BPTF: variants seen among roughly 807,000 people sequenced by gnomAD.
The protein encoded by BPTF is nucleosome-remodeling factor subunit BPTF.
BPTF carries 18 observed loss-of-function variants against 292.5 expected under a neutral mutation model. The observed-to-expected ratio is 0.06, with a 90% CI of 0.04 to 0.09. BPTF has a LOEUF of 0.09. Among genes scored for constraint, BPTF ranks in the 10% least tolerant of loss-of-function variants. The pLI is 1.00. For synonymous variants in BPTF, 1,225 were observed against 1,251.9 expected (o/e 0.98, Z 0.45); for missense variants, 2,726 against 3,498.7 (o/e 0.78, Z 5.57).
intron 23 of BPTF, among the ~76,000 whole-genome samples, chr17:67,954,124 CTACGGG>C (rs11280146): frequency 0.9 from 133,788 of 149,428 alleles, 61,595 homozygotes; most frequent in East Asian, 1. Context: ...GCAGCTGGGA[CTACGGG>C]TACGGGCGAA....
intron 13 of BPTF, among the ~76,000 whole-genome samples, chr17:67,921,602 A>G (rs1315156229): frequency 6.6e-6 from 1 of 152,202 alleles, no homozygotes; most frequent in African/African-American, 2.4e-5. Flanking sequence ...TATAAAAGTT[A>G]GTTCTCCCCA....
rs1033508978 is a variant in BPTF, at chr17:67,943,730, C to A, written c.6478-420C>A. Reference sequence around the variant, plus strand: ...TCAGAAGAATATTTTCTCTGCCTACCCCATAAAGTCACAAGTCCATTGTGA... The same window carrying A: ...TCAGAAGAATATTTTCTCTGCCTACACCATAAAGTCACAAGTCCATTGTGA... On this transcript the variant is annotated intron_variant, in intron 19 of 27. Coordinates refer to ENST00000306378, the MANE Select transcript of BPTF (RefSeq NM_182641.4). Among the ~76,000 whole-genome samples the A allele has an allele frequency of 3.3e-5, 5 of 152,196 alleles. No individual in the cohort carries two copies. In the Middle Eastern group the frequency reaches 0.017, roughly 518 times the overall value.
chr17:67,954,175 T>A (rs1158531970), intron 23 of BPTF, among the ~76,000 whole-genome samples: 3 of 23,386 alleles, frequency 1.3e-4, no homozygotes, highest in Non-Finnish European at 6.8e-4. Flanking sequence ...TTTTGGGGTG[T>A]TTTTTGTTGT....
At chr17:67,833,720 C>T (rs1359071914) in intron 1 of BPTF, among the ~76,000 whole-genome samples, 1 of 152,028 alleles carries the variant, frequency 6.6e-6, no homozygotes, top group African/African-American at 2.4e-5. Flanking sequence ...AGGTGTGTGC[C>T]ACCATGCCTG....
In BPTF at chr17:67,962,705, C is replaced by T. The variant is rs1442770894; in HGVS notation, c.8262-1507C>T. ...CCATTATGAGAGGTTATTTTTAATT[C>T]GATTAAATTCCAATGTTTATTCAGA... On this transcript the variant is annotated intron_variant, in intron 24 of 27. Transcript: ENST00000306378. Among the ~76,000 whole-genome samples the T allele has an allele frequency of 5.3e-5, 8 of 152,160 alleles. No individual in the cohort carries two copies. The South Asian group carries it at 1.0e-3, about 20-fold the overall frequency.
chr17:67,880,046 C>A (rs2060296383), intron 4 of BPTF, among the ~76,000 whole-genome samples: 1 of 152,072 alleles, frequency 6.6e-6, no homozygotes, highest in Non-Finnish European at 1.5e-5. Context: ...TCTTTAATCG[C>A]CTTTTTTTAA....
Position 67,911,435 on chromosome 17 carries a change from C to A in BPTF, c.3551C>A (p.Ser1184Tyr). ...SPETKCPKQN[S>Y]IENDIEEKVS... ...GAAACAAAATGTCCGAAACAAAATT[C>A]CATTGAAAATGACATAGAAGAAAAA... Residue 1184 changes from serine (S) to tyrosine (Y), a missense_variant, in exon 11 of 28, where the codon TCC becomes TAC. By Grantham distance (144) the Ser-to-Tyr change is moderately radical (BLOSUM62 -2). Transcript: ENST00000306378. The A allele has an allele frequency of 1.2e-6, 2 of 1,614,074 alleles. No individual in the cohort carries two copies. Among genetic ancestry groups the A allele is most frequent in the South Asian group, 2.2e-5 (2 of 91,050 alleles).
Position 67,911,751 on chromosome 17 carries a change from G to A in BPTF, c.3867G>A (p.Leu1289=), listed in dbSNP as rs958347658. ...LGCDSESNST[L]ENSSDTVSIQ... The stretch of plus-strand genomic sequence containing the variant: ...GTGACTCTGAATCTAATAGCACTTT[G>A]GAAAATAGTTCTGATACCGTGTCTA... The change falls in exon 11 of 28, where the codon TTG becomes TTA. Residue 1289 remains leucine, a synonymous_variant. Transcript: ENST00000306378. 31 of 1,614,006 alleles carry A rather than the reference G, an allele frequency of 1.9e-5. No individual in the cohort carries two copies. The highest frequency in any genetic ancestry group is 2.5e-5 in the Non-Finnish European group (30 of 1,180,018).
At chr17:67,827,886 G>A (rs1478955590) in intron 1 of BPTF, among the ~76,000 whole-genome samples, 2 of 151,304 alleles carry the variant, frequency 1.3e-5, no homozygotes, top group Non-Finnish European at 2.9e-5. Flanking sequence ...TGTCTTATAT[G>A]TAGAAAGGAC....
chr17:67,841,119 A>G (rs58551145), intron 1 of BPTF, among the ~76,000 whole-genome samples: 28,388 of 151,968 alleles, frequency 0.19, 3,677 homozygotes, highest in East Asian at 0.66. Context: ...AAAAGGTCAG[A>G]TAGTAAGGCC....
Position 67,911,672 on chromosome 17 carries a change from A to T in BPTF, c.3788A>T (p.Asp1263Val). The change falls in exon 11 of 28, where the codon GAC becomes GTC. Residue 1263 changes from aspartate (D) to valine (V), a missense_variant. Asp to Val is a radical substitution (Grantham distance 152). This residue lies in a region of BPTF where 713 missense variants were observed against 714.9 expected (regional missense o/e 1.00). Coordinates refer to ENST00000306378, the MANE Select transcript of BPTF (RefSeq NM_182641.4). ...TCATCAGTGCCTAAAAGTACCAATG[A>T]CAGAGATGCCACACCTCTGTCAAGA... The part of the protein sequence containing the change: ...LHSSVPKSTN[D>V]RDATPLSRAM... 6.2e-7 allele frequency: 1 copy of T among 1,614,214 alleles called. No homozygotes were observed. The highest frequency in any genetic ancestry group is 8.5e-7 in the Non-Finnish European group (1 of 1,180,046).
At position 67,922,897 on chromosome 17, in the gene BPTF, C is replaced by T; in HGVS notation, c.5615C>T (p.Pro1872Leu). 6.2e-7 allele frequency: 1 copy of T among 1,614,010 alleles called. No individual in the cohort carries two copies. Among genetic ancestry groups the T allele is most frequent in the South Asian group, 1.1e-5 (1 of 91,068 alleles). The part of the protein sequence containing the change: ...LRSSALRPKR[P>L]ETPKQTGPVI... ...TCAAGTGCACTGCGGCCAAAGAGAC[C>T]AGAAACGCCCAAGCAAACTGGCCCT... Residue 1872 changes from proline (P) to leucine (L), a missense_variant, in exon 14 of 28, where the codon CCA becomes CTA. By Grantham distance (98) the Pro-to-Leu change is moderately conservative (BLOSUM62 -3). This residue lies in a region of BPTF where 198 missense variants were observed against 277.1 expected (regional missense o/e 0.71). Coordinates refer to ENST00000306378, the MANE Select transcript of BPTF (RefSeq NM_182641.4).
rs943348736 is a variant in BPTF at position 67,917,131 on chromosome 17, C to CTTTTTTTTTTTTTT, written c.5304-1577_5304-1564dup. Among the ~76,000 whole-genome samples, 984 of 105,662 alleles carry CTTTTTTTTTTTTTT rather than the reference C, an allele frequency of 9.3e-3. 69 individuals carry two copies. The highest frequency in any genetic ancestry group is 0.027 in the East Asian group (67 of 2,444). The allele number at this position is 105,662 out of a possible 152,430, so 69.3% of individuals were successfully genotyped here. A position where few individuals can be genotyped will look rare whatever the true frequency, so the allele number is the denominator to read the frequency against. ...GATAAGTAACTAATATGGTATTGTCCTTTTTTTTTTTTTTTTTTTGAGATA... is the reference window on the plus strand; with the variant it reads ...GATAAGTAACTAATATGGTATTGTCCTTTTTTTTTTTTTTTTTTTTTTTTTTTTTTTTTGAGATA... On this transcript the variant is annotated intron_variant, in intron 11 of 27. Transcript: ENST00000306378.
intron 25 of BPTF, chr17:67,965,099 G>C (rs1186921872): frequency 6.7e-6 from 1 of 149,902 alleles, no homozygotes; most frequent in African/African-American, 2.5e-5. Context: ...CCCAGCACTT[G>C]GGGAGGCTGA....
chr17:67,849,844 G>A (rs2058280901), intron 1 of BPTF, among the ~76,000 whole-genome samples: 1 of 152,158 alleles, frequency 6.6e-6, no homozygotes, highest in Non-Finnish European at 1.5e-5. Context: ...GGGAGGCTGA[G>A]GCAGGAGAAT....
chr17:67,974,421 C>A (rs2069148948), intron 26 of BPTF: 1 of 152,142 alleles, frequency 6.6e-6, no homozygotes. Flanking sequence ...CAGCCTCAGA[C>A]CCCACCTGAG....
intron 3 of BPTF, among the ~76,000 whole-genome samples, chr17:67,871,279 T>C (rs1290161956): frequency 6.6e-6 from 1 of 151,910 alleles, no homozygotes; most frequent in Non-Finnish European, 1.5e-5. Flanking sequence ...TCGTCTTTAC[T>C]AAAAATACAA....
chr17:67,890,784 T>G (rs1051949147), intron 4 of BPTF, among the ~76,000 whole-genome samples: 2 of 152,228 alleles, frequency 1.3e-5, no homozygotes. Context: ...TTCCCAATCC[T>G]AGTTTTTCTC....
At chr17:67,923,258 A>G (rs762435852) in intron 14 of BPTF, among the ~76,000 whole-genome samples, 28 of 151,636 alleles carry the variant, frequency 1.8e-4, no homozygotes, top group Admixed American at 7.9e-4. Flanking sequence ...GGGTTTTGCT[A>G]TGTTGTTCAG....
Sources: gnomAD v4.1 joint callset for allele counts (sites outside exome capture counted in the v4.1 genomes callset) on GRCh38, gnomAD v4.1.1 for gene constraint, gnomAD v4.1.1 regional missense constraint, MANE v1.5 for transcripts, NCBI Gene and HGNC (gene_info 2026-07-23, HGNC 2026-07-21) for gene names.